PTPRR: variants seen among roughly 807,000 people sequenced by gnomAD.
PTPRR encodes receptor-type tyrosine-protein phosphatase R.
In PTPRR, 38 loss-of-function variants were observed where a neutral mutation model predicts 77.2. The ratio of observed to expected loss-of-function variants is 0.49; its 90% CI spans 0.38 to 0.65. The LOEUF (loss-of-function observed/expected upper bound fraction) is 0.65, where lower values mean the gene tolerates loss of function less well. PTPRR is among the 30% of genes least tolerant of loss of function. The pLI is 0.00. For synonymous variants in PTPRR, 299 were observed against 283.1 expected, an observed-to-expected ratio of 1.06 and a Z score of -0.57; for missense variants, 744 against 799.2, an observed-to-expected ratio of 0.93 and a Z score of 0.83.
At chr12:70,679,121 G>T (rs943705513) in intron 10 of PTPRR, among the ~76,000 whole-genome samples, 1 of 152,092 alleles carries the variant, frequency 6.6e-6, no homozygotes, top group African/African-American at 2.4e-5. Context: ...TTGATATGCT[G>T]TCTTTCTATT....
In PTPRR at chr12:70,892,936, G is replaced by C. The variant is rs200295461; in HGVS notation, c.100C>G (p.Gln34Glu). The C allele has an allele frequency of 1.9e-6, 3 of 1,613,060 alleles. No homozygotes were observed. In the Admixed American group the frequency reaches 5.0e-5, roughly 27 times the overall value. ...AATACCGGCTTCCCACTCTTCTTCT[G>C]ATTAATTGCCAAAAAATGATCATTG... ...GNNDHFLAIN[Q>E]KKSGKPVFIY... Residue 34 changes from glutamine (Q) to glutamate (E), a missense_variant, in exon 2 of 14, where the codon CAG becomes GAG. Gln to Glu is a conservative substitution (Grantham distance 29, BLOSUM62 2). Around this residue, in one of 3 missense-constraint regions of PTPRR, gnomAD observed 570 missense variants for 573.2 expected, o/e 0.99. Coordinates refer to ENST00000283228, the MANE Select transcript of PTPRR (RefSeq NM_002849.4).
intron 3 of PTPRR, among the ~76,000 whole-genome samples, 165 bp downstream of exon 3, chr12:70,764,500 T>C (rs1890767233): frequency 6.6e-6 from 1 of 152,120 alleles, no homozygotes; most frequent in South Asian, 2.1e-4. Flanking sequence ...TCATGGGCAA[T>C]GGGTAGATGA....
intron 2 of PTPRR, among the ~76,000 whole-genome samples, chr12:70,780,130 T>C (rs1891173329): frequency 6.6e-6 from 1 of 152,132 alleles, no homozygotes; most frequent in Non-Finnish European, 1.5e-5. Flanking sequence ...TAGATGGGAC[T>C]GCAGGTGCCC....
chr12:70,664,163 A>C (rs1318270104), intron 10 of PTPRR, among the ~76,000 whole-genome samples: 4 of 152,192 alleles, frequency 2.6e-5, no homozygotes, highest in Non-Finnish European at 5.9e-5. Context: ...CTTTATTTAC[A>C]TGCCACCTGA....
chr12:70,745,956 A>C lies in PTPRR; in HGVS notation c.869T>G (p.Val290Gly), dbSNP rs762778708. The change falls in exon 6 of 14, where the codon GTC (valine) becomes GGC (glycine). Residue 290 changes from valine to glycine, a missense_variant. Val to Gly is a moderately radical substitution (Grantham distance 109, BLOSUM62 -3). This residue lies in a region of PTPRR where 570 missense variants were observed against 573.2 expected (regional missense o/e 0.99). Coordinates refer to ENST00000283228, the MANE Select transcript of PTPRR (RefSeq NM_002849.4). ...TACCTTTGGGGCCTGCTCAGGTTGG[A>C]CCATGCTGTGGACTGTCTTTGCCTC... ...LSEAKTVHSM[V>G]QPEQAPKVLN... 6.2e-7 allele frequency: 1 copy of C among 1,614,112 alleles called. No homozygotes were observed. The highest frequency in any genetic ancestry group is 8.5e-7 in the Non-Finnish European group (1 of 1,180,016).
chr12:70,900,343 G>A (rs1441776106), intron 1 of PTPRR, among the ~76,000 whole-genome samples: 2 of 151,350 alleles, frequency 1.3e-5, no homozygotes, highest in Non-Finnish European at 3.0e-5. Context: ...GCAGAAGCAT[G>A]AAATTGGATT....
intron 3 of PTPRR, 82 bp downstream of exon 3, chr12:70,764,583 A>T (rs995007486): frequency 1.8e-5 from 21 of 1,153,272 alleles, no homozygotes; most frequent in Non-Finnish European, 2.7e-5. Flanking sequence ...TTAGCCATAC[A>T]ACTATAGCAT....
At chr12:70,887,755 G>C (rs1893265705) in intron 2 of PTPRR, among the ~76,000 whole-genome samples, 1 of 152,020 alleles carries the variant, frequency 6.6e-6, no homozygotes, top group African/African-American at 2.4e-5. Flanking sequence ...GTCAAGGAGA[G>C]GTGGAGTGGT....
At chr12:70,685,829 AC>A (rs1887848152) in intron 8 of PTPRR, among the ~76,000 whole-genome samples, 1 of 152,196 alleles carries the variant, frequency 6.6e-6, no homozygotes, top group African/African-American at 2.4e-5. Flanking sequence ...TAATAAAAGT[AC>A]CTAAGATAAT....
intron 13 of PTPRR, among the ~76,000 whole-genome samples, chr12:70,653,156 C>A (rs189702697): frequency 6.6e-6 from 1 of 152,084 alleles, no homozygotes; most frequent in African/African-American, 2.4e-5. Flanking sequence ...CAGGTGGCAG[C>A]CTTGTCTACA....
intron 6 of PTPRR, among the ~76,000 whole-genome samples, chr12:70,702,757 T>C (rs1233082859): frequency 3.9e-5 from 6 of 152,230 alleles, no homozygotes; most frequent in African/African-American, 1.4e-4. Context: ...TTGATGGATA[T>C]CTGTAAGTTT....
intron 2 of PTPRR, among the ~76,000 whole-genome samples, chr12:70,817,976 G>A (rs2458446): frequency 0.2 from 30,947 of 152,078 alleles, 5,013 homozygotes; most frequent in African/African-American, 0.45. Context: ...CAGTTTGGGA[G>A]GCCGAGGAGG....
intron 6 of PTPRR, among the ~76,000 whole-genome samples, chr12:70,706,997 CTATT>C (rs5799000): frequency 0.21 from 31,429 of 151,892 alleles, 3,653 homozygotes; most frequent in East Asian, 0.39. Flanking sequence ...GCTTCACTCT[CTATT>C]TACACAGCTA....
chr12:70,698,455 A>G (rs1888310291), intron 7 of PTPRR, 106 bp from the exon 8 acceptor site: 4 of 875,876 alleles, frequency 4.6e-6, no homozygotes, highest in Non-Finnish European at 7.2e-6. Context: ...AAAGCCACTT[A>G]AAAACAACAG....
At chr12:70,801,067 A>G (rs1891606940) in intron 2 of PTPRR, among the ~76,000 whole-genome samples, 1 of 152,214 alleles carries the variant, frequency 6.6e-6, no homozygotes, top group Non-Finnish European at 1.5e-5. Context: ...ACTGTAGCAT[A>G]GTAGAATGAG....
intron 2 of PTPRR, among the ~76,000 whole-genome samples, chr12:70,882,013 C>T (rs549825818): frequency 5.9e-5 from 9 of 152,210 alleles, no homozygotes; most frequent in South Asian, 4.1e-4. Context: ...CTTTGCGTTA[C>T]GCTGTTGGAT....
intron 13 of PTPRR, among the ~76,000 whole-genome samples, chr12:70,651,169 G>A (rs144132678): frequency 2.6e-4 from 40 of 152,268 alleles, no homozygotes; most frequent in Middle Eastern, 3.4e-3. Flanking sequence ...TCGCCATGGC[G>A]TGTCCAGCAT....
At chr12:70,887,640 G>T (rs1438149254) in intron 2 of PTPRR, among the ~76,000 whole-genome samples, 1 of 152,066 alleles carries the variant, frequency 6.6e-6, no homozygotes, top group Non-Finnish European at 1.5e-5. Flanking sequence ...AGATTTGCAG[G>T]AAGTATATTA....
chr12:70,863,912 C>CT (rs1411358644), intron 2 of PTPRR, among the ~76,000 whole-genome samples: 1 of 152,184 alleles, frequency 6.6e-6, no homozygotes, highest in African/African-American at 2.4e-5. Flanking sequence ...TCCACAATCC[C>CT]TCCTTTAGTA....
Sources: gnomAD v4.1 joint callset for allele counts (sites outside exome capture counted in the v4.1 genomes callset) on GRCh38, gnomAD v4.1.1 for gene constraint, gnomAD v4.1.1 regional missense constraint, MANE v1.5 for transcripts, NCBI Gene and HGNC (gene_info 2026-07-23, HGNC 2026-07-21) for gene names.